Variants in UBE3C observed in about 807,000 individuals in gnomAD.
UBE3C encodes the protein ubiquitin-protein ligase E3C.
In UBE3C, 42 loss-of-function variants were observed where a neutral mutation model predicts 129.4. The observed-to-expected ratio is 0.32, with a 90% CI of 0.25 to 0.42. The LOEUF (loss-of-function observed/expected upper bound fraction) is 0.42. Ranked by LOEUF, UBE3C falls within the 10% of genes least tolerant of loss-of-function variation. The pLI, the probability that UBE3C is intolerant of heterozygous loss-of-function variation, is 1.00. For synonymous variants in UBE3C, 510 were observed against 492.4 expected, an observed-to-expected ratio of 1.04 and a Z score of -0.47; for missense variants, 1,049 against 1,319.1, an observed-to-expected ratio of 0.80 and a Z score of 3.17.
chr7:157,205,156 T>C (rs979340020), intron 11 of UBE3C, among the ~76,000 whole-genome samples: 2 of 152,202 alleles, frequency 1.3e-5, no homozygotes, highest in Non-Finnish European at 2.9e-5. Flanking sequence ...GCAGAAAGAA[T>C]GGTCAGCAGA....
chr7:157,218,534 A>G (rs976693420), intron 14 of UBE3C, among the ~76,000 whole-genome samples: 4 of 152,196 alleles, frequency 2.6e-5, no homozygotes, highest in East Asian at 1.9e-4. Context: ...AAGCATGACT[A>G]TGTCCTCATA....
chr7:157,162,969 A>AC (rs141166383), intron 1 of UBE3C, among the ~76,000 whole-genome samples: 9,952 of 152,188 alleles, frequency 0.065, 463 homozygotes, highest in Non-Finnish European at 0.098. Context: ...CCTTCTACAA[A>AC]CCAAGTCATT....
intron 10 of UBE3C, chr7:157,192,616 AC>A (rs1189685819): frequency 2.6e-6 from 2 of 765,206 alleles, no homozygotes; most frequent in Admixed American, 1.7e-5. Flanking sequence ...AAGGAGTCTT[AC>A]CCCACTCCCA....
intron 14 of UBE3C, 104 bp from the exon 15 acceptor site, chr7:157,220,585 G>T: frequency 7.4e-7 from 1 of 1,347,806 alleles, no homozygotes; most frequent in East Asian, 2.5e-5. Flanking sequence ...AGAGGGCCCA[G>T]CCCACGGTAG....
In UBE3C at chr7:157,144,170, C is replaced by T. The variant is rs573097294; in HGVS notation, c.66+4832C>T. Reference sequence around the variant, plus strand: ...AACACAGGCCGGATGCTGTGGCGCACGCCTACAATCTGCCACACCGAAGAC... The same window carrying T: ...AACACAGGCCGGATGCTGTGGCGCATGCCTACAATCTGCCACACCGAAGAC... On this transcript the variant is annotated intron_variant, in intron 1 of 22. Coordinates refer to ENST00000348165, the MANE Select transcript of UBE3C (RefSeq NM_014671.3). Among the ~76,000 whole-genome samples the T allele has an allele frequency of 3.5e-4, 53 of 152,318 alleles. 1 individual carries two copies. Among genetic ancestry groups the T allele is most frequent in the African/African-American group, 1.2e-3 (51 of 41,564 alleles).
chr7:157,177,602 G>C (rs1299788792), intron 5 of UBE3C, among the ~76,000 whole-genome samples: 1 of 152,174 alleles, frequency 6.6e-6, no homozygotes, highest in Non-Finnish European at 1.5e-5. Context: ...TCCTGCACTC[G>C]TACACCCCTC....
intron 8 of UBE3C, 102 bp downstream of exon 8, chr7:157,182,430 G>GCCCA: frequency 8.3e-7 from 1 of 1,198,332 alleles, no homozygotes; most frequent in South Asian, 1.5e-5. Flanking sequence ...GGAAAGGTGG[G>GCCCA]CCTCTCCTGG....
chr7:157,171,808 G>A (rs1047394627), intron 4 of UBE3C, among the ~76,000 whole-genome samples: 10 of 144,804 alleles, frequency 6.9e-5, no homozygotes, highest in Non-Finnish European at 3.0e-5. Flanking sequence ...ACGGGTTCAA[G>A]CGATTCTCCT....
chr7:157,189,572 A>G (rs563180056), intron 10 of UBE3C, among the ~76,000 whole-genome samples: 4 of 152,292 alleles, frequency 2.6e-5, no homozygotes, highest in African/African-American at 7.2e-5. Context: ...TTGTGACCCT[A>G]CTTACATGTA....
At chr7:157,181,354 C>T (rs1033942895) in intron 6 of UBE3C, among the ~76,000 whole-genome samples, 164 bp from the exon 7 acceptor site, 6 of 152,074 alleles carry the variant, frequency 3.9e-5, no homozygotes, top group African/African-American at 9.7e-5. Flanking sequence ...GTTTGTATAC[C>T]GTTCGGCTGC....
At chr7:157,267,104 C>G (rs1162271876) in intron 22 of UBE3C, among the ~76,000 whole-genome samples, 1 of 151,984 alleles carries the variant, frequency 6.6e-6, no homozygotes, top group Non-Finnish European at 1.5e-5. Context: ...TAAGTTAGAA[C>G]TAAGCCATCA....
chr7:157,248,014 C>T (rs1047886720), intron 18 of UBE3C, among the ~76,000 whole-genome samples: 5 of 152,174 alleles, frequency 3.3e-5, no homozygotes, highest in African/African-American at 1.2e-4. Flanking sequence ...CCGTAGCCAC[C>T]TTGGGAGACT....
intron 17 of UBE3C, 113 bp from the exon 18 acceptor site, chr7:157,230,967 A>G: frequency 7.0e-7 from 1 of 1,419,816 alleles, no homozygotes; most frequent in Non-Finnish European, 9.6e-7. Context: ...GTCCTATGTT[A>G]AAATGTCCCT....
intron 18 of UBE3C, among the ~76,000 whole-genome samples, chr7:157,245,591 AC>A (rs1796451140): frequency 6.6e-6 from 1 of 152,030 alleles, no homozygotes; most frequent in African/African-American, 2.4e-5. Context: ...TCATTAAGAA[AC>A]CCTTTTTTGC....
chr7:157,231,457 A>T (rs1796019601), intron 18 of UBE3C, 130 bp downstream of exon 18: 1 of 1,402,444 alleles, frequency 7.1e-7, no homozygotes, highest in Non-Finnish European at 9.6e-7. Flanking sequence ...AATGTTGCAA[A>T]AGCACTGCAC....
intron 2 of UBE3C, among the ~76,000 whole-genome samples, chr7:157,164,796 C>G (rs550135724): frequency 6.6e-6 from 1 of 152,060 alleles, no homozygotes. Context: ...AGGTTCCTGC[C>G]GTGAACCAGG....
intron 1 of UBE3C, chr7:157,140,122 C>A: frequency 1.3e-6 from 1 of 746,350 alleles, no homozygotes; most frequent in Non-Finnish European, 1.6e-6. Context: ...TTCACTGGAA[C>A]CGCTAAGTCG....
intron 5 of UBE3C, among the ~76,000 whole-genome samples, chr7:157,176,811 G>T (rs572263883): frequency 6.6e-6 from 1 of 152,164 alleles, no homozygotes; most frequent in South Asian, 2.1e-4. Flanking sequence ...CTCTGCCCCA[G>T]GCCTGGGGCT....
At chr7:157,195,377 C>T (rs1173751858) in intron 10 of UBE3C, among the ~76,000 whole-genome samples, 2 of 152,198 alleles carry the variant, frequency 1.3e-5, no homozygotes, top group African/African-American at 4.8e-5. Context: ...AGCTGATACT[C>T]AGCTGCAAAC....
Sources: gnomAD v4.1 joint callset for allele counts (sites outside exome capture counted in the v4.1 genomes callset) on GRCh38, gnomAD v4.1.1 for gene constraint, MANE v1.5 for transcripts, NCBI Gene and HGNC (gene_info 2026-07-23, HGNC 2026-07-21) for gene names.